AEBP2: variants seen among roughly 807,000 people sequenced by gnomAD.
The protein encoded by AEBP2 is zinc finger protein AEBP2.
AEBP2 carries 10 observed loss-of-function variants against 50.8 expected under a neutral mutation model. The observed-to-expected ratio is 0.20, with a 90% CI of 0.12 to 0.33. The LOEUF (loss-of-function observed/expected upper bound fraction) is 0.33, where lower values mean the gene tolerates loss of function less well. Among genes scored for constraint, AEBP2 ranks in the 10% least tolerant of loss-of-function variants. AEBP2 has a pLI of 1.00. For synonymous variants in AEBP2, 296 were observed against 261.3 expected (o/e 1.13, Z -1.28); for missense variants, 570 against 688.0 (o/e 0.83, Z 1.92).
chr12:19,424,586 C>T (rs12230741), intron 1 of AEBP2, among the ~76,000 whole-genome samples: 3,355 of 151,380 alleles, frequency 0.022, 44 homozygotes, highest in East Asian at 0.043. Flanking sequence ...TTAGTAGAGA[C>T]GGGGTTTCAC....
intron 4 of AEBP2, among the ~76,000 whole-genome samples, chr12:19,496,450 A>G (rs1430096176): frequency 6.6e-6 from 1 of 152,152 alleles, no homozygotes; most frequent in Non-Finnish European, 1.5e-5. Context: ...CATTGTTAAG[A>G]CAGTGCTGTG....
At chr12:19,447,918 A>T (rs1479728743) in intron 1 of AEBP2, among the ~76,000 whole-genome samples, 7 of 152,218 alleles carry the variant, frequency 4.6e-5, no homozygotes, top group Non-Finnish European at 1.5e-5. Flanking sequence ...GTTGGCAAGT[A>T]CTTTAAATAC....
intron 5 of AEBP2, among the ~76,000 whole-genome samples, chr12:19,508,194 A>C (rs1178969734): frequency 6.6e-6 from 1 of 152,160 alleles, no homozygotes; most frequent in Non-Finnish European, 1.5e-5. Flanking sequence ...ATTTGACTAC[A>C]GACTTTTTTT....
chr12:19,441,798 A>G (rs950461885), intron 1 of AEBP2, among the ~76,000 whole-genome samples: 6 of 152,166 alleles, frequency 3.9e-5, no homozygotes, highest in Non-Finnish European at 8.8e-5. Context: ...AGCATGTGCT[A>G]TTTTTACCAT....
At chr12:19,439,232 CG>C (rs1488568682), upstream of AEBP2, among the ~76,000 whole-genome samples, 2 of 152,224 alleles carry the variant, frequency 1.3e-5, no homozygotes, top group African/African-American at 4.8e-5. Flanking sequence ...CAAACACCCC[CG>C]GAATGAATGA....
chr12:19,497,938 G>A (rs1259668073), intron 4 of AEBP2, among the ~76,000 whole-genome samples: 1 of 152,146 alleles, frequency 6.6e-6, no homozygotes, highest in Non-Finnish European at 1.5e-5. Context: ...AATTAACAAG[G>A]GTATTCTATT....
intron 2 of AEBP2, among the ~76,000 whole-genome samples, chr12:19,469,509 G>A (rs1425197877): frequency 6.6e-6 from 1 of 152,174 alleles, no homozygotes; most frequent in African/African-American, 2.4e-5. Flanking sequence ...ATTCAGTTTA[G>A]CAGTGGCATG....
intron 3 of AEBP2, among the ~76,000 whole-genome samples, chr12:19,481,277 T>G (rs549446924): frequency 2.6e-5 from 4 of 150,984 alleles, no homozygotes; most frequent in African/African-American, 9.7e-5. Flanking sequence ...AGTTTTGTAT[T>G]TTTTTAGTAG....
At chr12:19,433,455 A>G (rs1242466512) in intron 1 of AEBP2, among the ~76,000 whole-genome samples, 2 of 152,102 alleles carry the variant, frequency 1.3e-5, no homozygotes, top group East Asian at 3.9e-4. Context: ...TTCCCAGTGT[A>G]ATAAAATAAA....
At chr12:19,456,920 T>C in intron 1 of AEBP2, 1 of 1,447,152 alleles carries the variant, frequency 6.9e-7, no homozygotes, top group South Asian at 1.2e-5. Context: ...GTTGGATGAG[T>C]TGGTGGTAGG....
At chr12:19,480,602 A>G (rs1289014712) in intron 3 of AEBP2, among the ~76,000 whole-genome samples, 2 of 152,226 alleles carry the variant, frequency 1.3e-5, no homozygotes, top group Non-Finnish European at 2.9e-5. Context: ...TTCAGGCAGC[A>G]GAAGGTGGTA....
Position 19,427,377 on chromosome 12 carries a change from CAA to C in AEBP2, c.-17+23182_-17+23183del, listed in dbSNP as rs58310486. Among the ~76,000 whole-genome samples the C allele has an allele frequency of 4.3e-3, 299 of 69,976 alleles. 1 individual carries two copies. The highest frequency in any genetic ancestry group is 0.011 in the African/African-American group (218 of 19,602). The allele number at this position is 69,976 out of a possible 152,430, so 45.9% of individuals were successfully genotyped here. ...TTTGGCCAACATAGTGAGTCTGTCTCAAAAAAAAAAAAAAAAAAAAAACGCAG... is the reference window on the plus strand; with the variant it reads ...TTTGGCCAACATAGTGAGTCTGTCTCAAAAAAAAAAAAAAAAAAAACGCAG... On this transcript the variant is annotated intron_variant, in intron 1 of 3. Transcript: ENST00000538425.
At chr12:19,452,961 CTTTTTTT>C (rs34876719) in intron 1 of AEBP2, among the ~76,000 whole-genome samples, 22 of 106,896 alleles carry the variant, frequency 2.1e-4, no homozygotes, top group African/African-American at 7.8e-4. Context: ...GACTTACGTT[CTTTTTTT>C]TTTTTTTTTT....
chr12:19,510,865 CTTTTT>C (rs58870259), intron 5 of AEBP2, among the ~76,000 whole-genome samples: 2 of 89,034 alleles, frequency 2.2e-5, no homozygotes, highest in African/African-American at 9.8e-5. Flanking sequence ...AAGGTAGTGA[CTTTTT>C]TTTTTTTTTT....
intron 1 of AEBP2, chr12:19,413,140 G>A (rs1565694088): frequency 1.4e-6 from 1 of 723,650 alleles, no homozygotes; most frequent in South Asian, 1.4e-5. Context: ...TCTGACCCAA[G>A]TTTAGCCGAC....
chr12:19,505,136 T>TG (rs1263038971), intron 5 of AEBP2, among the ~76,000 whole-genome samples: 1 of 152,220 alleles, frequency 6.6e-6, no homozygotes, highest in Non-Finnish European at 1.5e-5. Context: ...GGGGACTTTG[T>TG]GGGGATTCAG....
chr12:19,514,882 TAATACCAAGCATA>T, intron 7 of AEBP2, 98 bp downstream of exon 7: 1 of 855,618 alleles, frequency 1.2e-6, no homozygotes, highest in Non-Finnish European at 1.8e-6. Context: ...TGCTGAATTT[TAATACCAAGCATA>T]TCTCATTACT....
rs1947921528 is a variant in AEBP2, at chr12:19,440,078, G to GGCAGCAGCGGCGGGA, written c.389_403dup (p.Gly130_Ser134dup). 2.6e-6 allele frequency: 4 copies of GGCAGCAGCGGCGGGA among 1,512,702 alleles called. No individual in the cohort carries two copies. Among genetic ancestry groups the GGCAGCAGCGGCGGGA allele is most frequent in the South Asian group, 1.2e-5 (1 of 82,540 alleles). The allele number at this position is 1,512,702 out of a possible 1,614,324, so 93.7% of individuals were successfully genotyped here. On this transcript the variant is annotated inframe_insertion, in exon 1 of 8. Transcript: ENST00000266508. ...GGAGAGTAGCGCCGAGAGCCTGGTG[G>GGCAGCAGCGGCGGGA]GCAGCAGCGGCGGGAGCAGCAGCGA...
chr12:19,467,525 C>T (rs1273483816), intron 2 of AEBP2, among the ~76,000 whole-genome samples: 1 of 151,704 alleles, frequency 6.6e-6, no homozygotes, highest in African/African-American at 2.4e-5. Flanking sequence ...AACACCTGAC[C>T]TCAGGTGATC....
Sources: gnomAD v4.1 joint callset for allele counts (sites outside exome capture counted in the v4.1 genomes callset) on GRCh38, gnomAD v4.1.1 for gene constraint, MANE v1.5 for transcripts, NCBI Gene and HGNC (gene_info 2026-07-23, HGNC 2026-07-21) for gene names.